MAPK14: variants seen among roughly 807,000 people sequenced by gnomAD.
The protein encoded by MAPK14 is CSAID-binding protein.
In MAPK14, 16 loss-of-function variants were observed where a neutral mutation model predicts 49.6. That is an observed-to-expected ratio of 0.32 (90% confidence interval 0.22 to 0.49). MAPK14 has a LOEUF of 0.49. MAPK14 is among the 20% of genes least tolerant of loss of function. MAPK14 has a pLI of 0.99. For synonymous variants in MAPK14, 142 were observed against 158.0 expected, an observed-to-expected ratio of 0.90 and a Z score of 0.76; for missense variants, 200 against 441.2, an observed-to-expected ratio of 0.45 and a Z score of 4.90.
chr6:36,050,928 G>C (rs906191611), intron 1 of MAPK14, among the ~76,000 whole-genome samples: 12 of 152,134 alleles, frequency 7.9e-5, no homozygotes, highest in Non-Finnish European at 1.2e-4. Context: ...TGAAGATTGA[G>C]GGTATGCCAT....
chr6:36,088,599 G>A (rs917544801), intron 8 of MAPK14, among the ~76,000 whole-genome samples: 4 of 152,004 alleles, frequency 2.6e-5, no homozygotes, highest in Non-Finnish European at 4.4e-5. Context: ...GTGTGCGCCT[G>A]TAGTCCCAGC....
chr6:36,104,297 A>G lies in MAPK14; in HGVS notation c.841+1648A>G, dbSNP rs530052340. Among the ~76,000 whole-genome samples the G allele has an allele frequency of 5.9e-5, 9 of 152,088 alleles. No homozygotes were observed. The South Asian group carries it at 1.9e-3, about 32-fold the overall frequency. ...TGCTCTCATTGGCTTTGTGTGATTT[A>G]TTTGAGCTGTATTATCTAGTTCAAG... On this transcript the variant is annotated intron_variant, in intron 10 of 11. Coordinates refer to ENST00000229794, the MANE Select transcript of MAPK14 (RefSeq NM_139012.3).
chr6:36,076,012 G>A (rs1237007751), intron 7 of MAPK14, 50 bp downstream of exon 7: 2 of 1,584,688 alleles, frequency 1.3e-6, no homozygotes, highest in South Asian at 1.1e-5. Flanking sequence ...CATGTTGGAT[G>A]CATTTGGGAT....
chr6:36,084,258 G>A (rs1040035442), intron 8 of MAPK14, among the ~76,000 whole-genome samples: 2 of 152,086 alleles, frequency 1.3e-5, no homozygotes, highest in African/African-American at 4.8e-5. Flanking sequence ...ATGAAAAAAC[G>A]CTGAAAACTC....
At chr6:36,090,487 G>A (rs994791909) in intron 8 of MAPK14, among the ~76,000 whole-genome samples, 1 of 150,670 alleles carries the variant, frequency 6.6e-6, no homozygotes, top group Non-Finnish European at 1.5e-5. Flanking sequence ...GGGATTACAG[G>A]TGTGGCCACT....
chr6:36,061,095 G>A (rs1221919760), intron 3 of MAPK14, among the ~76,000 whole-genome samples: 1 of 152,172 alleles, frequency 6.6e-6, no homozygotes, highest in Admixed American at 6.5e-5. Flanking sequence ...CAGAATGATG[G>A]TTTTTAAAAA....
intron 7 of MAPK14, 77 bp from the exon 8 acceptor site, chr6:36,076,459 CT>C: frequency 2.0e-6 from 2 of 990,562 alleles, no homozygotes; most frequent in South Asian, 1.3e-5. Context: ...TATTTCACCC[CT>C]AGTTACGGTT....
the MAPK14 span, among the ~76,000 whole-genome samples, chr6:36,119,552 T>A: frequency 4.0e-4 from 61 of 152,330 alleles, no homozygotes; most frequent in African/African-American, 1.4e-3. Context: ...AACTGCAGTA[T>A]GTATTCATGC....
rs750015060 is a variant in MAPK14 at position 36,028,150 on chromosome 6, G to A, written c.-8G>A. ...GCCACCTTCTTGCCCGGCGGCTGCCGCTGGAAAATGTCTCAGGAGAGGCCC... is the reference window on the plus strand; with the variant it reads ...GCCACCTTCTTGCCCGGCGGCTGCCACTGGAAAATGTCTCAGGAGAGGCCC... On this transcript the variant is annotated 5_prime_UTR_variant, in exon 1 of 12. Transcript: ENST00000229794. The surrounding 1 kb of genome is among the most constrained non-coding windows in gnomAD (Gnocchi z 5.1). 2 of 1,606,044 alleles carry A rather than the reference G, an allele frequency of 1.2e-6. No individual in the cohort carries two copies. The highest frequency in any genetic ancestry group is 2.7e-5 in the African/African-American group (2 of 74,766).
chr6:36,055,406 A>AT (rs550885756), intron 2 of MAPK14, among the ~76,000 whole-genome samples: 7 of 151,486 alleles, frequency 4.6e-5, no homozygotes, highest in South Asian at 2.1e-4. Context: ...GAGTTAAAGT[A>AT]TTTTTTTTTG....
Position 36,066,219 on chromosome 6 carries a change from A to T in MAPK14, c.306-6654A>T, listed in dbSNP as rs976898309. The stretch of plus-strand genomic sequence containing the variant: ...TGAACCTAATTGTATAATATCACAT[A>T]CAAAATTGCATCTCTCCCTGGTCTT... On this transcript the variant is annotated intron_variant, in intron 3 of 11. Coordinates refer to ENST00000229794, the MANE Select transcript of MAPK14 (RefSeq NM_139012.3). 2.0e-5 allele frequency among the ~76,000 whole-genome samples: 3 copies of T among 152,262 alleles called. No individual in the cohort carries two copies. In the South Asian group the frequency reaches 6.2e-4, roughly 32 times the overall value.
At chr6:36,116,373 G>T in the MAPK14 span, among the ~76,000 whole-genome samples, 726 of 149,634 alleles carry the variant, frequency 4.9e-3, no homozygotes, top group Non-Finnish European at 7.9e-3. Flanking sequence ...TCAGTCTGTT[G>T]CCCAGCCTGG....
chr6:36,088,802 A>T (rs1765099361), intron 8 of MAPK14, among the ~76,000 whole-genome samples: 1 of 152,240 alleles, frequency 6.6e-6, no homozygotes, highest in African/African-American at 2.4e-5. Context: ...ACAAACATGA[A>T]AAAAAGCTCA....
At chr6:36,073,943 T>C (rs1331115912) in intron 5 of MAPK14, 106 bp from the exon 6 acceptor site, 8 of 959,624 alleles carry the variant, frequency 8.3e-6, no homozygotes, top group Non-Finnish European at 1.3e-5. Context: ...TGTCTTTTGA[T>C]AGCTGGATGA....
chr6:36,079,641 G>T (rs942466769), intron 8 of MAPK14, among the ~76,000 whole-genome samples: 2 of 152,226 alleles, frequency 1.3e-5, no homozygotes, highest in African/African-American at 4.8e-5. Flanking sequence ...TTGTTTGAGT[G>T]TCCAGTTTTC....
At chr6:36,090,841 C>G (rs1157546674) in intron 8 of MAPK14, among the ~76,000 whole-genome samples, 2 of 152,192 alleles carry the variant, frequency 1.3e-5, no homozygotes, top group Non-Finnish European at 2.9e-5. Flanking sequence ...GTTATTTGCC[C>G]TTTCCTCTCT....
In MAPK14 at chr6:36,073,129, A is replaced by G; in HGVS notation, c.417+145A>G. 4.6e-6 allele frequency: 3 copies of G among 649,616 alleles called. No homozygotes were observed. In the South Asian group the frequency reaches 4.9e-5, roughly 11 times the overall value. The allele number at this position is 649,616 out of a possible 1,614,324, so 40.2% of individuals were successfully genotyped here. A position where few individuals can be genotyped will look rare whatever the true frequency, so the allele number is the denominator to read the frequency against. ...AGGTAAAGGTCATATAGTACAGTAAACTGCCATGTTCACTCAGTGACAACA... is the reference window on the plus strand; with the variant it reads ...AGGTAAAGGTCATATAGTACAGTAAGCTGCCATGTTCACTCAGTGACAACA... On this transcript the variant is annotated intron_variant, in intron 4 of 11. Transcript: ENST00000229794.
chr6:36,122,468 CTGCT>C, the MAPK14 span, among the ~76,000 whole-genome samples: 1 of 152,226 alleles, frequency 6.6e-6, no homozygotes, highest in Non-Finnish European at 1.5e-5. Context: ...GGATAAGGCC[CTGCT>C]ACATCCCTGC....
intron 8 of MAPK14, among the ~76,000 whole-genome samples, chr6:36,077,044 T>G (rs568421890): frequency 6.6e-6 from 1 of 152,290 alleles, no homozygotes; most frequent in South Asian, 2.1e-4. Context: ...GTACCTGCAG[T>G]GATATACTGC....
Sources: gnomAD v4.1 joint callset for allele counts (sites outside exome capture counted in the v4.1 genomes callset) on GRCh38, gnomAD v4.1.1 for gene constraint, Gnocchi (gnomAD v3.1) non-coding constraint, MANE v1.5 for transcripts, NCBI Gene and HGNC (gene_info 2026-07-23, HGNC 2026-07-21) for gene names.